NLN: variants seen among roughly 807,000 people sequenced by gnomAD.
NLN encodes neurolysin, mitochondrial.
NLN carries 64 observed loss-of-function variants against 79.9 expected under a neutral mutation model. The observed-to-expected ratio is 0.80, with a 90% confidence interval of 0.65 to 0.99. The LOEUF (loss-of-function observed/expected upper bound fraction) is 0.99. Ranked by LOEUF, NLN falls within the 50% of genes least tolerant of loss-of-function variation. NLN has a pLI of 0.00. For missense variants in NLN, 835 were observed against 858.7 expected, an observed-to-expected ratio of 0.97 and a Z score of 0.34; for synonymous variants, 267 against 296.6, an observed-to-expected ratio of 0.90 and a Z score of 1.02.
intron 6 of NLN, among the ~76,000 whole-genome samples, chr5:65,783,749 G>A (rs1254494763): frequency 2.0e-5 from 3 of 150,412 alleles, no homozygotes; most frequent in Non-Finnish European, 3.0e-5. Context: ...AAGAAAAAAT[G>A]AGAGAACAGA....
chr5:65,809,953 G>C, intron 10 of NLN, 84 bp from the exon 11 acceptor site: 1 of 1,477,788 alleles, frequency 6.8e-7, no homozygotes, highest in Non-Finnish European at 9.3e-7. Context: ...ACTGGAATCT[G>C]TTTTTGGAAT....
At chr5:65,756,909 C>T (rs1759231752) in intron 1 of NLN, among the ~76,000 whole-genome samples, 1 of 152,200 alleles carries the variant, frequency 6.6e-6, no homozygotes, top group South Asian at 2.1e-4. Flanking sequence ...ATAATTCCTA[C>T]ACATTGTTCA....
At position 65,809,506 on chromosome 5, in the gene NLN, G is replaced by A. The variant is rs753846039; in HGVS notation, c.1528-9G>A. ...TTCTTTAAAAAAATTCTCTGTGTTT[G>A]CTTTCTAGACTGATTTTGCACGATT... is the stretch of plus-strand genomic sequence containing the variant. On this transcript the variant is annotated splice_polypyrimidine_tract_variant and intron_variant, in intron 9 of 12. Transcript: ENST00000380985. The A allele has an allele frequency of 6.3e-7, 1 of 1,576,198 alleles. No individual in the cohort carries two copies. The highest frequency in any genetic ancestry group is 2.0e-5 in the Admixed American group (1 of 50,034).
At chr5:65,820,525 G>A (rs1383412205) in intron 12 of NLN, among the ~76,000 whole-genome samples, 1 of 152,094 alleles carries the variant, frequency 6.6e-6, no homozygotes, top group Admixed American at 6.5e-5. Context: ...TTTAACACTA[G>A]TCAAATTTTG....
intron 1 of NLN, among the ~76,000 whole-genome samples, chr5:65,724,946 C>T (rs1758430679): frequency 1.3e-5 from 2 of 151,734 alleles, no homozygotes; most frequent in African/African-American, 4.8e-5. Flanking sequence ...GGACTACAGG[C>T]GCCCGCAACC....
In NLN at chr5:65,781,403, T is replaced by TAATA. The variant is rs762246873; in HGVS notation, c.805_808dup (p.Thr270LysfsTer29). On this transcript the variant is annotated frameshift_variant, in exon 6 of 13. Coordinates refer to ENST00000380985, the MANE Select transcript of NLN (RefSeq NM_020726.5). LOFTEE classifies it high-confidence loss of function. The stretch of plus-strand genomic sequence containing the variant: ...CCAGAAGAAGGATGGAAATGGCTTT[T>TAATA]AATACAAGGTGCAAAGAGGTATTAT... 1 of 1,606,744 alleles carries TAATA rather than the reference T, an allele frequency of 6.2e-7. No homozygotes were observed. Among genetic ancestry groups the TAATA allele is most frequent in the East Asian group, 2.2e-5 (1 of 44,816 alleles).
intron 12 of NLN, among the ~76,000 whole-genome samples, 191 bp downstream of exon 12, chr5:65,812,582 T>C (rs1316721): frequency 0.73 from 111,400 of 151,968 alleles, 41,350 homozygotes; most frequent in African/African-American, 0.84. Flanking sequence ...AATTCTATAG[T>C]TTAAAAAAAA....
At chr5:65,752,978 A>G (rs1759133298) in intron 1 of NLN, among the ~76,000 whole-genome samples, 1 of 152,072 alleles carries the variant, frequency 6.6e-6, no homozygotes, top group South Asian at 2.1e-4. Context: ...AGGTTCAGGG[A>G]ATAGTATTAC....
chr5:65,787,975 C>T, intron 7 of NLN, 143 bp from the exon 8 acceptor site: 1 of 757,710 alleles, frequency 1.3e-6, no homozygotes, highest in East Asian at 2.6e-5. Flanking sequence ...TCACGTTTTT[C>T]CTCCTCCTTT....
intron 9 of NLN, among the ~76,000 whole-genome samples, chr5:65,804,286 G>C (rs1760358136): frequency 6.6e-6 from 1 of 152,146 alleles, no homozygotes. Context: ...ATCTCAAAAA[G>C]GGAGATAATA....
Position 65,809,686 on chromosome 5 carries a change from A to C in NLN, c.1699A>C (p.Arg567=). ...DDLLEKLVAS[R]LVNTGLLTLR... is the part of the protein sequence containing the mutation. ...TCTGCTTGAAAAACTTGTTGCTTCT[A>C]GGCTGGTCAACACAGGTATGACTTC... The change falls in exon 10 of 13, where the codon AGG becomes CGG. Residue 567 remains arginine (R), a synonymous_variant. Transcript: ENST00000380985. 6.2e-7 allele frequency: 1 copy of C among 1,606,130 alleles called. No homozygotes were observed. Among genetic ancestry groups the C allele is most frequent in the South Asian group, 1.1e-5 (1 of 89,036 alleles).
chr5:65,792,487 T>C lies in NLN; in HGVS notation c.1359T>C (p.Gly453=), dbSNP rs373018305. 7 of 1,614,084 alleles carry C rather than the reference T, an allele frequency of 4.3e-6. No individual in the cohort carries two copies. Among genetic ancestry groups the C allele is most frequent in the Non-Finnish European group, 5.9e-6 (7 of 1,179,974 alleles). ...AATACAATCATGCGGCCTGCTTCGG[T>C]CTCCAGCCTGGCTGCCTTCTGCCTG... ...EGKYNHAACF[G]LQPGCLLPDG... The change falls in exon 9 of 13, where the codon GGT becomes GGC. Residue 453 remains glycine, a synonymous_variant. Coordinates refer to ENST00000380985, the MANE Select transcript of NLN (RefSeq NM_020726.5).
At chr5:65,775,446 C>T (rs34975) in intron 3 of NLN, among the ~76,000 whole-genome samples, 4,052 of 152,246 alleles carry the variant, frequency 0.027, 96 homozygotes, top group Non-Finnish European at 0.042. Flanking sequence ...TTAGCCTGCT[C>T]GCCTGGGTCC....
chr5:65,783,607 C>G (rs546716510), intron 6 of NLN, among the ~76,000 whole-genome samples: 4 of 152,008 alleles, frequency 2.6e-5, no homozygotes, highest in Non-Finnish European at 4.4e-5. Context: ...CACTTGTAAT[C>G]CCAACGCTTT....
At chr5:65,756,892 C>T (rs957168166) in intron 1 of NLN, among the ~76,000 whole-genome samples, 1 of 152,134 alleles carries the variant, frequency 6.6e-6, no homozygotes, top group Non-Finnish European at 1.5e-5. Flanking sequence ...TATGGCATTA[C>T]CTTTGGATAA....
Position 65,785,762 on chromosome 5 carries a change from T to C in NLN, c.823-13T>C. ...TGATTAGCCTTTATTTTGTTGCTGT[T>C]GTTTATTACTAGGAAAACACCATAA... On this transcript the variant is annotated splice_polypyrimidine_tract_variant and intron_variant, in intron 6 of 12. Coordinates refer to ENST00000380985, the MANE Select transcript of NLN (RefSeq NM_020726.5). The C allele has an allele frequency of 6.2e-7, 1 of 1,611,882 alleles. No individual in the cohort carries two copies. Among genetic ancestry groups the C allele is most frequent in the Non-Finnish European group, 8.5e-7 (1 of 1,178,184 alleles).
At chr5:65,777,597 T>C (rs1008904514) in intron 4 of NLN, 63 bp downstream of exon 4, 12 of 1,091,140 alleles carry the variant, frequency 1.1e-5, no homozygotes, top group African/African-American at 1.6e-5. Context: ...AAAATACTGG[T>C]TGAACATCCC....
intron 1 of NLN, among the ~76,000 whole-genome samples, chr5:65,755,048 C>T (rs1477792530): frequency 1.3e-5 from 2 of 152,194 alleles, no homozygotes; most frequent in Non-Finnish European, 2.9e-5. Flanking sequence ...CACATTTTTA[C>T]TATAACCTGA....
At chr5:65,813,874 G>A (rs1760610746) in intron 12 of NLN, among the ~76,000 whole-genome samples, 1 of 151,802 alleles carries the variant, frequency 6.6e-6, no homozygotes, top group Non-Finnish European at 1.5e-5. Context: ...AAGCTGCAGT[G>A]AGCCGAGATC....
Sources: gnomAD v4.1 joint callset for allele counts (sites outside exome capture counted in the v4.1 genomes callset) on GRCh38, gnomAD v4.1.1 for gene constraint, MANE v1.5 for transcripts, NCBI Gene and HGNC (gene_info 2026-07-23, HGNC 2026-07-21) for gene names.